Variants in TMPRSS15 observed in about 807,000 individuals in gnomAD.
TMPRSS15 encodes the protein enteropeptidase.
A neutral mutation model predicts 125.3 loss-of-function variants in TMPRSS15; 128 were observed. The ratio of observed to expected loss-of-function variants is 1.02; its 90% CI spans 0.89 to 1.18. The LOEUF (loss-of-function observed/expected upper bound fraction) is 1.18. Among genes scored for constraint, TMPRSS15 ranks in the 50% most tolerant of loss-of-function variants. TMPRSS15 has a pLI of 0.00. For missense variants in TMPRSS15, 1,283 were observed against 1,212.7 expected, an observed-to-expected ratio of 1.06 and a Z score of -0.86; for synonymous variants, 446 against 423.2, an observed-to-expected ratio of 1.05 and a Z score of -0.66.
rs1978798142 is a variant in TMPRSS15, at chr21:18,472,435, C to T, written c.10+13364G>A. Among the ~76,000 whole-genome samples, 3 of 142,846 alleles carry T rather than the reference C, an allele frequency of 2.1e-5. No homozygotes were observed. The Admixed American group carries it at 2.2e-4, about 10-fold the overall frequency. 93.7% of individuals were successfully genotyped at this position (142,846 alleles called of 152,430 possible). On this transcript the variant is annotated intron_variant, in intron 1 of 7. Coordinates refer to the TMPRSS15 transcript ENST00000422787. The stretch of plus-strand genomic sequence containing the variant: ...AAATACAGGATACATAGTAAGGGTG[C>T]AAATTTAAAGCTAAAAGAATTATAT...
In TMPRSS15 at chr21:18,301,266, A is replaced by C. The variant is rs549880609; in HGVS notation, c.2166-3437T>G. 2.6e-5 allele frequency among the ~76,000 whole-genome samples: 4 copies of C among 152,314 alleles called. No homozygotes were observed. In the East Asian group the frequency reaches 7.7e-4, roughly 29 times the overall value. On this transcript the variant is annotated intron_variant, in intron 18 of 24. Transcript: ENST00000284885. ...GACTACCTGCATTTCAAATCCTGTC[A>C]AGTCAAACTCATTCTTTTTCTGACT...
intron 3 of TMPRSS15, among the ~76,000 whole-genome samples, chr21:18,396,424 T>C (rs1347836434): frequency 6.6e-6 from 1 of 152,116 alleles, no homozygotes; most frequent in African/African-American, 2.4e-5. Flanking sequence ...GTCGTAGTTA[T>C]TTAAGGCGGA....
chr21:18,272,348 C>T (rs58384566), intron 24 of TMPRSS15, among the ~76,000 whole-genome samples: 17,645 of 151,996 alleles, frequency 0.12, 1,100 homozygotes, highest in Middle Eastern at 0.21. Context: ...CATTTGTTGC[C>T]TTTCCTTAAT....
chr21:18,437,564 G>A (rs898732901), intron 1 of TMPRSS15, among the ~76,000 whole-genome samples: 14 of 152,152 alleles, frequency 9.2e-5, no homozygotes, highest in East Asian at 3.9e-4. Context: ...GAAAATTTTC[G>A]CAACTTACTC....
chr21:18,282,097 CAAAAAAAAA>C (rs954911028), intron 21 of TMPRSS15, among the ~76,000 whole-genome samples: 27 of 24,960 alleles, frequency 1.1e-3, no homozygotes, highest in African/African-American at 2.1e-3. Context: ...GACTCCGCCT[CAAAAAAAAA>C]AAAAAAAAAA....
intron 13 of TMPRSS15, among the ~76,000 whole-genome samples, chr21:18,335,482 T>G (rs559596640): frequency 6.6e-6 from 1 of 152,304 alleles, no homozygotes; most frequent in East Asian, 1.9e-4. Context: ...TAACAAGAAC[T>G]CCAACGTTGT....
In TMPRSS15 at chr21:18,343,682, T is replaced by C. The variant is rs142930372; in HGVS notation, c.1278-26A>G. The C allele has an allele frequency of 8.0e-4, 1,290 of 1,607,610 alleles. 19 individuals carry two copies. In the East Asian group the frequency reaches 0.023, roughly 29 times the overall value. On this transcript the variant is annotated intron_variant, in intron 11 of 24. Coordinates refer to ENST00000284885, the MANE Select transcript of TMPRSS15 (RefSeq NM_002772.3). ...CTAGTTTGGAAAGAAGCAAAAATGTTTGGATTCCTACAACATTAGAATAAG... is the reference window on the plus strand; with the variant it reads ...CTAGTTTGGAAAGAAGCAAAAATGTCTGGATTCCTACAACATTAGAATAAG...
At chr21:18,326,661 C>T (rs924148692) in intron 15 of TMPRSS15, 89 bp from the exon 16 acceptor site, 15 of 1,481,534 alleles carry the variant, frequency 1.0e-5, no homozygotes, top group African/African-American at 8.3e-5. Flanking sequence ...CTCTGCCAGA[C>T]GTAGGGCTAC....
At chr21:18,327,326 A>G (rs1426462946) in intron 15 of TMPRSS15, among the ~76,000 whole-genome samples, 1 of 152,182 alleles carries the variant, frequency 6.6e-6, no homozygotes, top group African/African-American at 2.4e-5. Context: ...TGAAGTTTTT[A>G]TTTGAAGAAT....
intron 15 of TMPRSS15, among the ~76,000 whole-genome samples, chr21:18,327,801 G>A (rs772381532): frequency 9.9e-5 from 15 of 151,998 alleles, no homozygotes; most frequent in Admixed American, 5.9e-4. Context: ...GATCATTTGA[G>A]CATCTTTATT....
chr21:18,341,576 A>G (rs1158849550), intron 12 of TMPRSS15, 28 bp from the exon 13 acceptor site: 1 of 1,612,770 alleles, frequency 6.2e-7, no homozygotes, highest in Admixed American at 1.7e-5. Context: ...ATATGAAACG[A>G]TTTGATTCCA....
intron 18 of TMPRSS15, among the ~76,000 whole-genome samples, chr21:18,300,794 A>ATT (rs35422651): frequency 7.2e-5 from 11 of 151,814 alleles, no homozygotes; most frequent in East Asian, 3.9e-4. Context: ...ATTGACAGTG[A>ATT]TTTTTTTTTA....
At chr21:18,340,471 G>T (rs1009655782) in intron 13 of TMPRSS15, among the ~76,000 whole-genome samples, 1 of 152,138 alleles carries the variant, frequency 6.6e-6, no homozygotes, top group Non-Finnish European at 1.5e-5. Flanking sequence ...TAAGCTTGCA[G>T]ATGGCCTATT....
intron 1 of TMPRSS15, among the ~76,000 whole-genome samples, chr21:18,431,781 T>C (rs1358147149): frequency 1.3e-5 from 2 of 152,098 alleles, no homozygotes; most frequent in East Asian, 1.9e-4. Flanking sequence ...GATTTATCTA[T>C]GCGATCAAAA....
intron 21 of TMPRSS15, among the ~76,000 whole-genome samples, chr21:18,292,531 A>G (rs2074850742): frequency 1.3e-5 from 2 of 152,230 alleles, no homozygotes; most frequent in Non-Finnish European, 2.9e-5. Context: ...TCATTAACCT[A>G]TTAGAAGTAC....
At chr21:18,288,352 T>C (rs1235784526) in intron 21 of TMPRSS15, among the ~76,000 whole-genome samples, 2 of 151,818 alleles carry the variant, frequency 1.3e-5, no homozygotes, top group Non-Finnish European at 2.9e-5. Context: ...GGGAGGCGGG[T>C]GGATATTAAG....
intron 3 of TMPRSS15, among the ~76,000 whole-genome samples, chr21:18,390,427 TAAC>T (rs2075981053): frequency 6.6e-6 from 1 of 152,204 alleles, no homozygotes; most frequent in South Asian, 2.1e-4. Context: ...ATTATGTTAA[TAAC>T]AGCTGCTAAA....
intron 5 of TMPRSS15, 126 bp downstream of exon 5, chr21:18,379,157 T>C: frequency 2.6e-6 from 1 of 390,446 alleles, no homozygotes; most frequent in African/African-American, 2.1e-5. Context: ...ATGCTCTTGA[T>C]TTCTTGTCTA....
intron 16 of TMPRSS15, among the ~76,000 whole-genome samples, chr21:18,325,461 T>C (rs1261976893): frequency 6.6e-6 from 1 of 152,114 alleles, no homozygotes; most frequent in African/African-American, 2.4e-5. Context: ...AAAGCCCTGG[T>C]CAGTTGTGAG....
Sources: allele counts gnomAD v4.1 joint callset (sites outside exome capture counted in the v4.1 genomes callset), GRCh38; gene constraint gnomAD v4.1.1; transcripts MANE v1.5; gene names NCBI Gene and HGNC (gene_info 2026-07-23, HGNC 2026-07-21).